SHROOM3: variants seen among roughly 807,000 people sequenced by gnomAD.
SHROOM3 encodes the protein shroom family member 3, also known as protein Shroom3.
SHROOM3 carries 47 observed loss-of-function variants against 138.6 expected under a neutral mutation model. That is an observed-to-expected ratio of 0.34 (90% confidence interval 0.27 to 0.43). The LOEUF is 0.43. Among genes scored for constraint, SHROOM3 ranks in the 20% least tolerant of loss-of-function variants. The probability of loss-of-function intolerance (pLI) is 1.00; values close to 1 mark genes in which losing one functional copy is unlikely to be tolerated. For missense variants in SHROOM3, 2,491 were observed against 2,596.5 expected (o/e 0.96, Z 0.88); for synonymous variants, 1,062 against 1,063.3 (o/e 1.00, Z 0.02).
In SHROOM3 at chr4:76,754,446, C is replaced by A. The variant is rs144564306; in HGVS notation, c.3963C>A (p.Asp1321Glu). 1.9e-6 allele frequency: 3 copies of A among 1,614,160 alleles called. No homozygotes were observed. The highest frequency in any genetic ancestry group is 1.7e-5 in the Admixed American group (1 of 60,022). ...SVPSECPGTL[D>E]HQRQASRTPC... The stretch of plus-strand genomic sequence containing the variant: ...CTAGTGAATGTCCTGGAACCCTGGA[C>A]CATCAGAGGCAAGCCAGTAGGACAC... The change falls in exon 7 of 11, where the codon GAC becomes GAA. Residue 1321 changes from aspartate (D) to glutamate (E), a missense_variant. By Grantham distance (45) the Asp-to-Glu change is conservative. Transcript: ENST00000296043.
chr4:76,691,376 ATTT>A (rs1429549809), intron 2 of SHROOM3, among the ~76,000 whole-genome samples: 1 of 152,158 alleles, frequency 6.6e-6, no homozygotes, highest in Non-Finnish European at 1.5e-5. Flanking sequence ...GAATTCCTCA[ATTT>A]TGACCTGGGA....
chr4:76,555,740 G>C lies in SHROOM3; in HGVS notation c.300G>C (p.Lys100Asn). ...TTTCCCTGGTGAAAGGATCCTACAA[G>C]ACCCTCAGGCTGGTAGTGCGCAGGT... The part of the protein sequence containing the change: ...EAVSLVKGSY[K>N]TLRLVVRRDV... The change falls in exon 2 of 11, where the codon AAG becomes AAC. Residue 100 changes from lysine (K) to asparagine (N), a missense_variant. Physicochemically the swap from Lys to Asn is moderately conservative, Grantham distance 94. Around this residue, in one of 4 missense-constraint regions of SHROOM3, gnomAD observed 284 missense variants for 322.8 expected, o/e 0.88. Coordinates refer to ENST00000296043, the MANE Select transcript of SHROOM3 (RefSeq NM_020859.4). The C allele has an allele frequency of 6.2e-7, 1 of 1,613,574 alleles. No individual in the cohort carries two copies. The highest frequency in any genetic ancestry group is 8.5e-7 in the Non-Finnish European group (1 of 1,179,986).
At chr4:76,543,059 C>T (rs566013938) in intron 1 of SHROOM3, among the ~76,000 whole-genome samples, 2 of 152,344 alleles carry the variant, frequency 1.3e-5, no homozygotes, top group Admixed American at 6.5e-5. Context: ...CTTCAAAACG[C>T]TGAATCCCTG....
intron 2 of SHROOM3, among the ~76,000 whole-genome samples, chr4:76,571,446 T>G (rs988574005): frequency 6.6e-6 from 1 of 152,232 alleles, no homozygotes. Flanking sequence ...CCCTTTTGTT[T>G]TCCCAGCAGT....
At chr4:76,554,601 T>C (rs1733441177) in intron 1 of SHROOM3, among the ~76,000 whole-genome samples, 1 of 152,014 alleles carries the variant, frequency 6.6e-6, no homozygotes, top group Admixed American at 6.6e-5. Context: ...TTTGTATTTT[T>C]AGTAGAGATG....
intron 2 of SHROOM3, among the ~76,000 whole-genome samples, chr4:76,686,626 C>T (rs1719343397): frequency 6.6e-6 from 1 of 152,032 alleles, no homozygotes; most frequent in South Asian, 2.1e-4. Flanking sequence ...AGGTCCCTCC[C>T]AACTAATCAA....
intron 4 of SHROOM3, among the ~76,000 whole-genome samples, chr4:76,733,486 G>C (rs1215667964): frequency 1.1e-4 from 17 of 152,152 alleles, no homozygotes. Context: ...TTACAGGCGT[G>C]TGCATTCTCT....
intron 1 of SHROOM3, among the ~76,000 whole-genome samples, chr4:76,511,995 C>T (rs1175898052): frequency 6.6e-6 from 1 of 152,062 alleles, no homozygotes; most frequent in Non-Finnish European, 1.5e-5. Context: ...GTGAGGTGAC[C>T]CTCAGGAGAA....
intron 2 of SHROOM3, among the ~76,000 whole-genome samples, chr4:76,579,727 T>G (rs1234257963): frequency 6.6e-6 from 1 of 152,204 alleles, no homozygotes; most frequent in Non-Finnish European, 1.5e-5. Flanking sequence ...TCCACCTGCC[T>G]GGTCTAGTCA....
chr4:76,588,323 T>A (rs1003109775), intron 2 of SHROOM3, among the ~76,000 whole-genome samples: 1 of 152,196 alleles, frequency 6.6e-6, no homozygotes, highest in Non-Finnish European at 1.5e-5. Context: ...GCAAGGGGAT[T>A]AAGTATCTTA....
chr4:76,442,489 A>G (rs1730714987), intron 1 of SHROOM3, among the ~76,000 whole-genome samples: 1 of 145,148 alleles, frequency 6.9e-6, no homozygotes, highest in South Asian at 2.2e-4. Context: ...GGGTCACTGT[A>G]AGCTCCACCT....
intron 2 of SHROOM3, among the ~76,000 whole-genome samples, chr4:76,704,472 C>T (rs1263225493): frequency 2.6e-5 from 4 of 152,186 alleles, no homozygotes; most frequent in Admixed American, 2.6e-4. Context: ...GGTGATGTTC[C>T]AGCTGGGAGC....
In SHROOM3 at chr4:76,739,602, T is replaced by A. The variant is rs1279610736; in HGVS notation, c.1429T>A (p.Phe477Ile). 1.2e-6 allele frequency: 2 copies of A among 1,614,160 alleles called. No homozygotes were observed. Among genetic ancestry groups the A allele is most frequent in the South Asian group, 2.2e-5 (2 of 91,068 alleles). Reference sequence around the variant, plus strand: ...CCCGGTACCTTCCCTGGAGCCACACTTTGCCCAGGTGCCTCAGCCTTCTGT... The same window carrying A: ...CCCGGTACCTTCCCTGGAGCCACACATTGCCCAGGTGCCTCAGCCTTCTGT... ...IYPVPSLEPH[F>I]AQVPQPSVSS... The change falls in exon 5 of 11, where the codon TTT becomes ATT. Residue 477 changes from phenylalanine to isoleucine, a missense_variant. Around this residue, in one of 4 missense-constraint regions of SHROOM3, gnomAD observed 1,733 missense variants for 1,661.6 expected, o/e 1.04. Coordinates refer to ENST00000296043, the MANE Select transcript of SHROOM3 (RefSeq NM_020859.4).
At chr4:76,547,924 T>C in intron 1 of SHROOM3, among the ~76,000 whole-genome samples, 1 of 75,432 alleles carries the variant, frequency 1.3e-5, no homozygotes, top group African/African-American at 5.7e-5. Context: ...TGCAAGGCCC[T>C]GTCTCAAAAC....
intron 10 of SHROOM3, among the ~76,000 whole-genome samples, chr4:76,773,212 T>A: frequency 6.6e-6 from 1 of 151,782 alleles, no homozygotes; most frequent in East Asian, 1.9e-4. Flanking sequence ...TCCTCTCTGC[T>A]AAAAATACAA....
chr4:76,536,899 G>A (rs1474499452), intron 1 of SHROOM3, among the ~76,000 whole-genome samples: 4 of 152,128 alleles, frequency 2.6e-5, no homozygotes, highest in Admixed American at 2.6e-4. Context: ...GATCACCTGA[G>A]GTCAGGAGTT....
chr4:76,709,720 G>A (rs1210053481), intron 2 of SHROOM3: 3 of 257,304 alleles, frequency 1.2e-5, no homozygotes, highest in Non-Finnish European at 1.5e-5. Flanking sequence ...TGGAGATCCC[G>A]CTCCTTAAAG....
chr4:76,700,547 T>C (rs1410244669), intron 2 of SHROOM3, among the ~76,000 whole-genome samples: 1 of 152,178 alleles, frequency 6.6e-6, no homozygotes, highest in African/African-American at 2.4e-5. Context: ...TTATGGCGTG[T>C]ATGTATATAT....
At chr4:76,457,034 A>G (rs1731041248) in intron 1 of SHROOM3, among the ~76,000 whole-genome samples, 2 of 152,118 alleles carry the variant, frequency 1.3e-5, no homozygotes, top group Admixed American at 6.5e-5. Context: ...AGTTAAGGCT[A>G]TTTTTACTTC....
Sources: gnomAD v4.1 joint callset for allele counts (sites outside exome capture counted in the v4.1 genomes callset) on GRCh38, gnomAD v4.1.1 for gene constraint, gnomAD v4.1.1 regional missense constraint, MANE v1.5 for transcripts, NCBI Gene and HGNC (gene_info 2026-07-23, HGNC 2026-07-21) for gene names.